FBXL17: variants seen among roughly 807,000 people sequenced by gnomAD.
FBXL17 encodes F-box and leucine rich repeat protein 17.
Under a neutral mutation model 66.2 loss-of-function variants are expected in FBXL17, and 22 were observed. The observed-to-expected ratio is 0.33, with a 90% CI of 0.24 to 0.47. The LOEUF (loss-of-function observed/expected upper bound fraction) is 0.47, where lower values mean the gene tolerates loss of function less well. Ranked by LOEUF, FBXL17 falls within the 20% of genes least tolerant of loss-of-function variation. FBXL17 has a pLI of 1.00. For synonymous variants in FBXL17, 474 were observed against 400.5 expected (o/e 1.18, Z -2.19); for missense variants, 878 against 948.2 (o/e 0.93, Z 0.97).
chr5:108,100,067 A>G (rs1749541961), intron 6 of FBXL17, among the ~76,000 whole-genome samples: 1 of 152,168 alleles, frequency 6.6e-6, no homozygotes, highest in Non-Finnish European at 1.5e-5. Context: ...TGACCTAAGC[A>G]TTTCAGGTAT....
intron 6 of FBXL17, among the ~76,000 whole-genome samples, chr5:108,036,354 C>T (rs141149939): frequency 3.1e-4 from 47 of 152,240 alleles, no homozygotes; most frequent in African/African-American, 1.0e-3. Context: ...GCATATTTTG[C>T]GTGGCTGAGT....
chr5:108,179,513 G>C (rs539030209), intron 6 of FBXL17, among the ~76,000 whole-genome samples: 15 of 152,250 alleles, frequency 9.9e-5, no homozygotes, highest in Non-Finnish European at 2.1e-4. Flanking sequence ...AAGGAATCAT[G>C]AACCAAACAC....
chr5:108,156,619 TAAAG>T (rs1351668745), intron 6 of FBXL17, among the ~76,000 whole-genome samples: 2 of 152,102 alleles, frequency 1.3e-5, no homozygotes, highest in East Asian at 1.9e-4. Context: ...TTTCCTTACT[TAAAG>T]AAATTATAAA....
intron 6 of FBXL17, among the ~76,000 whole-genome samples, chr5:108,174,808 G>A (rs1752733507): frequency 6.8e-6 from 1 of 147,354 alleles, no homozygotes; most frequent in Admixed American, 6.8e-5. Flanking sequence ...AATTAACACA[G>A]GTATAAATGG....
At chr5:107,897,061 T>C (rs964461950) in intron 7 of FBXL17, among the ~76,000 whole-genome samples, 6 of 152,102 alleles carry the variant, frequency 3.9e-5, no homozygotes. Flanking sequence ...AAAAGATGGT[T>C]TGATAATTTT....
chr5:108,141,283 A>G (rs913903022), intron 6 of FBXL17, among the ~76,000 whole-genome samples: 1 of 152,102 alleles, frequency 6.6e-6, no homozygotes, highest in African/African-American at 2.4e-5. Flanking sequence ...TAGTGAAACC[A>G]TCTTTGGATC....
intron 4 of FBXL17, among the ~76,000 whole-genome samples, chr5:108,279,924 C>T (rs1757635966): frequency 6.6e-6 from 1 of 151,334 alleles, no homozygotes; most frequent in Non-Finnish European, 1.5e-5. Flanking sequence ...CAAATAAAAA[C>T]AAAGAAAAAA....
rs1358238273 is a variant in FBXL17 at position 107,946,287 on chromosome 5, A to T, written c.1823-65108T>A. On this transcript the variant is annotated intron_variant, in intron 7 of 8. Coordinates refer to ENST00000542267, the MANE Select transcript of FBXL17 (RefSeq NM_001163315.3). ...TATATATATATATATATATATATAT[A>T]TATATATATATATATATATATATTA... Among the ~76,000 whole-genome samples, 27 of 87,314 alleles carry T rather than the reference A, an allele frequency of 3.1e-4. 1 individual carries two copies. The highest frequency in any genetic ancestry group is 1.2e-3 in the African/African-American group (24 of 20,548). The allele number at this position is 87,314 out of a possible 152,430, so 57.3% of individuals were successfully genotyped here.
intron 6 of FBXL17, among the ~76,000 whole-genome samples, chr5:108,144,859 T>C (rs1751496160): frequency 6.6e-6 from 1 of 152,192 alleles, no homozygotes; most frequent in Non-Finnish European, 1.5e-5. Context: ...AATCTCCATA[T>C]AAATTGAAAA....
intron 4 of FBXL17, among the ~76,000 whole-genome samples, chr5:108,238,474 C>T (rs760299812): frequency 1.5e-4 from 23 of 152,118 alleles, no homozygotes; most frequent in Non-Finnish European, 2.9e-4. Context: ...TTAAAATGGT[C>T]ATTTGCATTA....
intron 6 of FBXL17, 56 bp downstream of exon 6, chr5:108,186,061 A>G (rs1310205623): frequency 2.9e-6 from 4 of 1,363,248 alleles, no homozygotes; most frequent in Non-Finnish European, 4.1e-6. Flanking sequence ...ATAATAATTA[A>G]TATTTCCTAA....
At chr5:107,867,508 G>A (rs1748309641) in intron 8 of FBXL17, among the ~76,000 whole-genome samples, 1 of 152,254 alleles carries the variant, frequency 6.6e-6, no homozygotes, top group Non-Finnish European at 1.5e-5. Context: ...ACAGTTCAGA[G>A]GATTTGACTC....
rs1156855577 is a variant in FBXL17 at position 108,318,372 on chromosome 5, CTATATGTTACTATATT to C, written c.1506+30011_1506+30026del. 2.0e-5 allele frequency among the ~76,000 whole-genome samples: 3 copies of C among 146,928 alleles called. No homozygotes were observed. The Admixed American group carries it at 2.0e-4, about 10-fold the overall frequency. On this transcript the variant is annotated intron_variant, in intron 4 of 8. Coordinates refer to ENST00000542267, the MANE Select transcript of FBXL17 (RefSeq NM_001163315.3). ...CTCCTATTACATACTTTACACTGTG[CTATATGTTACTATATT>C]TATAATTATTTCTATTTTGATTTCC...
At chr5:108,292,703 T>A (rs1758164860) in intron 4 of FBXL17, among the ~76,000 whole-genome samples, 1 of 152,246 alleles carries the variant, frequency 6.6e-6, no homozygotes, top group East Asian at 1.9e-4. Context: ...ACTTAGAACA[T>A]CACATTTTAA....
intron 6 of FBXL17, among the ~76,000 whole-genome samples, chr5:108,075,297 A>T (rs987699483): frequency 2.6e-5 from 4 of 152,170 alleles, no homozygotes; most frequent in African/African-American, 9.7e-5. Context: ...CCTTAGCATC[A>T]TTCTTTATCT....
At chr5:108,225,054 C>G (rs1304657646) in intron 4 of FBXL17, among the ~76,000 whole-genome samples, 1 of 152,152 alleles carries the variant, frequency 6.6e-6, no homozygotes, top group Non-Finnish European at 1.5e-5. Flanking sequence ...ATGTTCACCA[C>G]CCCCCAAAGA....
chr5:108,072,865 T>C (rs543746594), intron 6 of FBXL17, among the ~76,000 whole-genome samples: 9 of 152,222 alleles, frequency 5.9e-5, no homozygotes, highest in South Asian at 2.1e-4. Flanking sequence ...ATATGAAATA[T>C]GTTGTTTTTA....
At chr5:108,065,401 T>G (rs2112852139) in intron 6 of FBXL17, among the ~76,000 whole-genome samples, 1 of 152,336 alleles carries the variant, frequency 6.6e-6, no homozygotes, top group Admixed American at 6.5e-5. Context: ...TCAAAAAGTG[T>G]ACACTTTTTA....
intron 6 of FBXL17, among the ~76,000 whole-genome samples, chr5:108,179,470 T>C (rs905172370): frequency 1.3e-5 from 2 of 152,172 alleles, no homozygotes; most frequent in African/African-American, 4.8e-5. Context: ...ACAGAGAGAA[T>C]AGTATTAAGA....
Sources: allele counts gnomAD v4.1 joint callset (sites outside exome capture counted in the v4.1 genomes callset), GRCh38; gene constraint gnomAD v4.1.1; transcripts MANE v1.5; gene names NCBI Gene and HGNC (gene_info 2026-07-23, HGNC 2026-07-21).